The following BMP7 variants were observed in gnomAD, a reference collection of about 807,000 sequenced individuals.
The protein encoded by BMP7 is osteogenic protein 1.
In BMP7, 12 loss-of-function variants were observed where a neutral mutation model predicts 41.2. That is an observed-to-expected ratio of 0.29 (90% confidence interval 0.19 to 0.47). BMP7 has a LOEUF of 0.47. Among genes scored for constraint, BMP7 ranks in the 20% least tolerant of loss-of-function variants. The pLI, the probability that BMP7 is intolerant of heterozygous loss-of-function variation, is 0.99. For missense variants in BMP7, 467 were observed against 606.0 expected, an observed-to-expected ratio of 0.77 and a Z score of 2.41; for synonymous variants, 248 against 250.0, an observed-to-expected ratio of 0.99 and a Z score of 0.07.
intron 2 of BMP7, among the ~76,000 whole-genome samples, chr20:57,206,580 G>T (rs1249459133): frequency 6.6e-6 from 1 of 152,174 alleles, no homozygotes; most frequent in Non-Finnish European, 1.5e-5. Flanking sequence ...GTTGTGTGGG[G>T]CAGAGAAAAT....
intron 1 of BMP7, among the ~76,000 whole-genome samples, chr20:57,242,032 G>A (rs992204460): frequency 1.6e-4 from 24 of 152,134 alleles, no homozygotes; most frequent in Admixed American, 4.6e-4. Context: ...CCTGGCCTAC[G>A]GCTTCCCACC....
At position 57,214,813 on chromosome 20, in the gene BMP7, C is replaced by T. The variant is rs1984975369; in HGVS notation, c.612-12190G>A. On this transcript the variant is annotated intron_variant, in intron 2 of 6. Coordinates refer to ENST00000395863, the MANE Select transcript of BMP7 (RefSeq NM_001719.3). The surrounding 1 kb of genome is among the most constrained non-coding windows in gnomAD (Gnocchi z 4.0). ...TCCTCTTTTCCTGCCAGGTTTTAAG[C>T]TTTTTGTCAGCAAGAACCAGCCCTA... 2 of 152,290 alleles carry T rather than the reference C, an allele frequency of 1.3e-5. No homozygotes were observed. The highest frequency in any genetic ancestry group is 4.8e-5 in the African/African-American group (2 of 41,436). The allele number at this position is 152,290 out of a possible 1,614,324, so 9.4% of individuals were successfully genotyped here.
intron 1 of BMP7, among the ~76,000 whole-genome samples, chr20:57,263,115 A>G (rs1287848609): frequency 6.6e-6 from 1 of 152,202 alleles, no homozygotes; most frequent in Non-Finnish European, 1.5e-5. Flanking sequence ...TCTTCACCTA[A>G]CTAATGACCT....
intron 4 of BMP7, among the ~76,000 whole-genome samples, chr20:57,176,452 T>C (rs1983923813): frequency 6.6e-6 from 1 of 152,140 alleles, no homozygotes; most frequent in African/African-American, 2.4e-5. Context: ...TGAAGGCTCA[T>C]CCCATATAGA....
Position 57,170,755 on chromosome 20 carries a change from G to T in BMP7, c.*204C>A. On this transcript the variant is annotated 3_prime_UTR_variant, in exon 7 of 7. Coordinates refer to ENST00000395863, the MANE Select transcript of BMP7 (RefSeq NM_001719.3). ...TAGGTTTTGCCTGCACAGCTTGTAG[G>T]ATCTTGTTCATTGGATGCTGCCACT... The T allele has an allele frequency of 1.5e-6, 1 of 665,950 alleles. No individual in the cohort carries two copies. The highest frequency in any genetic ancestry group is 2.5e-6 in the Non-Finnish European group (1 of 393,890). The allele number at this position is 665,950 out of a possible 1,614,324, so 41.3% of individuals were successfully genotyped here. A position where few individuals can be genotyped will look rare whatever the true frequency, so the allele number is the denominator to read the frequency against.
intron 4 of BMP7, among the ~76,000 whole-genome samples, chr20:57,179,989 T>G (rs1343068133): frequency 6.6e-6 from 1 of 151,764 alleles, no homozygotes; most frequent in Non-Finnish European, 1.5e-5. Flanking sequence ...GCCTAGTTCC[T>G]CTCCCCCTCA....
chr20:57,212,219 C>G (rs898465964), intron 2 of BMP7, among the ~76,000 whole-genome samples: 5 of 152,234 alleles, frequency 3.3e-5, no homozygotes, highest in Non-Finnish European at 7.3e-5. Flanking sequence ...ATAGAAACAT[C>G]TCCCGAAGGG....
At chr20:57,212,881 A>G (rs1984927603) in intron 2 of BMP7, among the ~76,000 whole-genome samples, 1 of 152,212 alleles carries the variant, frequency 6.6e-6, no homozygotes. Flanking sequence ...CCCGGGCCCC[A>G]GGCTCCCCCA....
chr20:57,251,581 G>T (rs1455787390), intron 1 of BMP7, among the ~76,000 whole-genome samples: 4 of 152,172 alleles, frequency 2.6e-5, no homozygotes, highest in African/African-American at 9.7e-5. Flanking sequence ...AACATGGAGG[G>T]GGGGCAGGAA....
At chr20:57,175,041 A>G in intron 4 of BMP7, 34 bp from the exon 5 acceptor site, 1 of 1,591,624 alleles carries the variant, frequency 6.3e-7, no homozygotes, top group Non-Finnish European at 8.5e-7. Context: ...AGCAGAGCCC[A>G]GTGAGGAGAA....
At chr20:57,242,372 G>A (rs931007193) in intron 1 of BMP7, among the ~76,000 whole-genome samples, 1 of 152,142 alleles carries the variant, frequency 6.6e-6, no homozygotes, top group African/African-American at 2.4e-5. Flanking sequence ...AGCTCAAGAG[G>A]GTCAAGAAAC....
At chr20:57,242,624 G>A (rs1000991730) in intron 1 of BMP7, among the ~76,000 whole-genome samples, 1 of 152,228 alleles carries the variant, frequency 6.6e-6, no homozygotes, top group African/African-American at 2.4e-5. Flanking sequence ...AGCACACTGA[G>A]ACACGTGGGG....
chr20:57,232,799 CAT>C (rs1442658311), intron 1 of BMP7, among the ~76,000 whole-genome samples: 1 of 151,612 alleles, frequency 6.6e-6, no homozygotes, highest in Non-Finnish European at 1.5e-5. Context: ...CACATTGTCA[CAT>C]GTTCTGAAAA....
At chr20:57,234,804 G>A (rs560380428) in intron 1 of BMP7, among the ~76,000 whole-genome samples, 1 of 152,346 alleles carries the variant, frequency 6.6e-6, no homozygotes, top group Admixed American at 6.5e-5. Flanking sequence ...GCCCTCCACA[G>A]CCTGATGCTT....
intron 3 of BMP7, among the ~76,000 whole-genome samples, chr20:57,195,460 T>C (rs230188): frequency 0.64 from 97,645 of 152,128 alleles, 32,660 homozygotes; most frequent in African/African-American, 0.83. Context: ...CTCCCCATTC[T>C]TGCCGTCCCA....
chr20:57,218,484 G>T (rs1600629434), intron 2 of BMP7, among the ~76,000 whole-genome samples: 5 of 150,502 alleles, frequency 3.3e-5, no homozygotes, highest in Admixed American at 2.7e-4. Context: ...TGTGTGTTCG[G>T]TGGTAGCTGG....
chr20:57,226,968 A>G (rs2066009671), intron 2 of BMP7, among the ~76,000 whole-genome samples: 1 of 151,792 alleles, frequency 6.6e-6, no homozygotes, highest in Non-Finnish European at 1.5e-5. Flanking sequence ...CTGGGATTAC[A>G]GGCGCCCGCC....
Position 57,176,750 on chromosome 20 carries a change from TCACACACA to T in BMP7, c.959-1751_959-1744del, listed in dbSNP as rs60465573. Among the ~76,000 whole-genome samples, 1,109 of 135,506 alleles carry T rather than the reference TCACACACA, an allele frequency of 8.2e-3. 7 individuals carry two copies. Among genetic ancestry groups the T allele is most frequent in the Non-Finnish European group, 0.012 (765 of 64,006 alleles). 88.9% of individuals were successfully genotyped at this position (135,506 alleles called of 152,430 possible). A position where few individuals can be genotyped will look rare whatever the true frequency, so the allele number is the denominator to read the frequency against. The stretch of plus-strand genomic sequence containing the variant: ...ATTTGAAACTACGCACATTCTCCAT[TCACACACA>T]CACACACACACACACACACACACAC... On this transcript the variant is annotated intron_variant, in intron 4 of 6. Coordinates refer to ENST00000395863, the MANE Select transcript of BMP7 (RefSeq NM_001719.3).
intron 3 of BMP7, among the ~76,000 whole-genome samples, chr20:57,189,802 G>A (rs569505743): frequency 1.3e-5 from 2 of 152,328 alleles, no homozygotes; most frequent in South Asian, 2.1e-4. Context: ...CACCTACTGT[G>A]TGCCAGGGGC....
Sources: allele counts gnomAD v4.1 joint callset (sites outside exome capture counted in the v4.1 genomes callset), GRCh38; gene constraint gnomAD v4.1.1; non-coding constraint Gnocchi (gnomAD v3.1); transcripts MANE v1.5; gene names NCBI Gene and HGNC (gene_info 2026-07-23, HGNC 2026-07-21).